PRR5L: variants seen among roughly 807,000 people sequenced by gnomAD.
PRR5L encodes the protein proline-rich protein 5-like.
Under a neutral mutation model 36.4 loss-of-function variants are expected in PRR5L, and 21 were observed. That is an observed-to-expected ratio of 0.58 (90% CI 0.41 to 0.83). The LOEUF (loss-of-function observed/expected upper bound fraction) is 0.83, where lower values mean the gene tolerates loss of function less well. Among genes scored for constraint, PRR5L ranks in the 40% least tolerant of loss-of-function variants. The pLI, the probability that PRR5L is intolerant of heterozygous loss-of-function variation, is 0.00. For missense variants in PRR5L, 381 were observed against 473.3 expected, an observed-to-expected ratio of 0.80 and a Z score of 1.81; for synonymous variants, 188 against 197.0, an observed-to-expected ratio of 0.95 and a Z score of 0.38.
chr11:36,451,138 T>C, intron 7 of PRR5L, 71 bp from the exon 8 acceptor site: 1 of 1,572,644 alleles, frequency 6.4e-7, no homozygotes, highest in Non-Finnish European at 8.7e-7. Context: ...AATCAGGATT[T>C]GTTGAGTGAG....
chr11:36,451,390 C>G, intron 8 of PRR5L, 55 bp downstream of exon 8: 1 of 1,599,114 alleles, frequency 6.3e-7, no homozygotes, highest in Non-Finnish European at 8.5e-7. Flanking sequence ...GATACCAGCA[C>G]TGTTTAACTG....
At chr11:36,416,883 C>A (rs1487586477) in intron 3 of PRR5L, among the ~76,000 whole-genome samples, 1 of 152,112 alleles carries the variant, frequency 6.6e-6, no homozygotes, top group Non-Finnish European at 1.5e-5. Context: ...TTTTCTGCAT[C>A]CCGCTGTGAG....
At chr11:36,308,749 G>A (rs1372398003) in intron 1 of PRR5L, among the ~76,000 whole-genome samples, 1 of 152,152 alleles carries the variant, frequency 6.6e-6, no homozygotes, top group Non-Finnish European at 1.5e-5. Flanking sequence ...ACTTGTTCTG[G>A]TCAATGGAAT....
chr11:36,331,178 A>G (rs1009407365), intron 1 of PRR5L, among the ~76,000 whole-genome samples: 3 of 152,202 alleles, frequency 2.0e-5, no homozygotes, highest in Non-Finnish European at 2.9e-5. Flanking sequence ...CCATACTAAT[A>G]TAACATAGAG....
At chr11:36,350,149 TGTGTGTGG>T (rs1856911985) in intron 1 of PRR5L, 1 of 127,926 alleles carries the variant, frequency 7.8e-6, no homozygotes, top group African/African-American at 2.9e-5. Context: ...TGTGTGAGTG[TGTGTGTGG>T]GTGTGTGGGA....
chr11:36,442,161 A>T (rs1858734969), intron 6 of PRR5L, among the ~76,000 whole-genome samples: 1 of 151,906 alleles, frequency 6.6e-6, no homozygotes, highest in African/African-American at 2.4e-5. Context: ...GCTCTCTTAT[A>T]TTTCTCTCCT....
intron 1 of PRR5L, among the ~76,000 whole-genome samples, chr11:36,374,258 C>T (rs7115646): frequency 0.035 from 5,282 of 152,078 alleles, 117 homozygotes; most frequent in African/African-American, 0.043. Context: ...CCATGCCCGG[C>T]TAATTTTTGT....
At chr11:36,323,031 C>T (rs1565386889) in intron 1 of PRR5L, among the ~76,000 whole-genome samples, 1 of 152,084 alleles carries the variant, frequency 6.6e-6, no homozygotes, top group African/African-American at 2.4e-5. Flanking sequence ...CTGTGCACAC[C>T]TTGATTTCAG....
At chr11:36,439,696 G>A (rs929024587) in intron 6 of PRR5L, among the ~76,000 whole-genome samples, 1 of 152,160 alleles carries the variant, frequency 6.6e-6, no homozygotes, top group African/African-American at 2.4e-5. Flanking sequence ...GGTCATCAGA[G>A]GTATATAGCA....
Position 36,379,590 on chromosome 11 carries a change from G to GGA in PRR5L, c.-125-21406_-125-21405dup, listed in dbSNP as rs1408620022. 3.1e-4 allele frequency: 47 copies of GGA among 152,194 alleles called. 1 individual carries two copies. Among genetic ancestry groups the GGA allele is most frequent in the Admixed American group, 3.1e-3 (47 of 15,274 alleles). The allele number at this position is 152,194 out of a possible 1,614,324, so 9.4% of individuals were successfully genotyped here. ...TTAATATTTTAGTTGCTGAAATATA[G>GGA]GAATAAAATATTTTGTGGATTTTGT... On this transcript the variant is annotated intron_variant, in intron 1 of 8. Coordinates refer to ENST00000530639, the MANE Select transcript of PRR5L (RefSeq NM_001160167.2).
intron 1 of PRR5L, among the ~76,000 whole-genome samples, chr11:36,354,594 A>G (rs1471229440): frequency 2.0e-5 from 3 of 152,222 alleles, no homozygotes; most frequent in Non-Finnish European, 4.4e-5. Context: ...ATGTATTGCA[A>G]TAGGACCATT....
intron 1 of PRR5L, chr11:36,323,480 T>C (rs1428491770): frequency 6.6e-6 from 1 of 152,250 alleles, no homozygotes; most frequent in East Asian, 1.9e-4. Context: ...GAAGCAGGCA[T>C]GCTGCCTCCA....
chr11:36,376,510 G>C, intron 1 of PRR5L: 2 of 1,040,936 alleles, frequency 1.9e-6, no homozygotes, highest in African/African-American at 1.7e-5. Flanking sequence ...AGAGCTGGGG[G>C]AGGAGGGAGG....
rs76230939 is a variant in PRR5L at position 36,343,470 on chromosome 11, G to A, written c.-126+47032G>A. ...TGAAATATGGTTTCACTTACCTTGG[G>A]GACCCTTTCATGCAAGGTGGAGGTT... On this transcript the variant is annotated intron_variant, in intron 1 of 8. Transcript: ENST00000530639. Among the ~76,000 whole-genome samples, 975 of 152,248 alleles carry A rather than the reference G, an allele frequency of 6.4e-3. 9 individuals are homozygous for A. Among genetic ancestry groups the A allele is most frequent in the African/African-American group, 0.022 (895 of 41,540 alleles).
At chr11:36,299,935 A>G (rs1014592228) in intron 1 of PRR5L, among the ~76,000 whole-genome samples, 2 of 152,174 alleles carry the variant, frequency 1.3e-5, no homozygotes, top group Non-Finnish European at 1.5e-5. Context: ...CTTGTGATGC[A>G]GGGGCTGGCA....
chr11:36,424,813 G>T (rs1483843858), intron 4 of PRR5L, among the ~76,000 whole-genome samples: 2 of 151,656 alleles, frequency 1.3e-5, no homozygotes, highest in Admixed American at 6.6e-5. Context: ...TGGGGTTAGG[G>T]CCCAAGTGAT....
chr11:36,419,096 A>G (rs1228746089), intron 3 of PRR5L, among the ~76,000 whole-genome samples, 159 bp from the exon 4 acceptor site: 3 of 152,092 alleles, frequency 2.0e-5, no homozygotes, highest in Non-Finnish European at 2.9e-5. Flanking sequence ...CATCACTGCA[A>G]TTCCATGATA....
chr11:36,411,466 TC>T (rs1017077487), intron 3 of PRR5L, among the ~76,000 whole-genome samples: 1 of 152,040 alleles, frequency 6.6e-6, no homozygotes, highest in Non-Finnish European at 1.5e-5. Context: ...CCCCATTTTT[TC>T]CCCCTGTTAT....
intron 1 of PRR5L, among the ~76,000 whole-genome samples, chr11:36,355,676 A>G (rs1486104790): frequency 6.6e-6 from 1 of 151,430 alleles, no homozygotes; most frequent in Non-Finnish European, 1.5e-5. Context: ...CAGCCTCCCA[A>G]GTAGCTGGGA....
Sources: gnomAD v4.1 joint callset for allele counts (sites outside exome capture counted in the v4.1 genomes callset) on GRCh38, gnomAD v4.1.1 for gene constraint, MANE v1.5 for transcripts, NCBI Gene and HGNC (gene_info 2026-07-23, HGNC 2026-07-21) for gene names.